PHACTR3: variants seen among roughly 807,000 people sequenced by gnomAD.
The protein encoded by PHACTR3 is phosphatase and actin regulator 3.
In PHACTR3, 16 loss-of-function variants were observed where a neutral mutation model predicts 66.8. The ratio of observed to expected loss-of-function variants is 0.24; its 90% CI spans 0.16 to 0.36. The LOEUF is 0.36. Among genes scored for constraint, PHACTR3 ranks in the 10% least tolerant of loss-of-function variants. The pLI, the probability that PHACTR3 is intolerant of heterozygous loss-of-function variation, is 1.00. For missense variants in PHACTR3, 647 were observed against 719.9 expected, an observed-to-expected ratio of 0.90 and a Z score of 1.16; for synonymous variants, 323 against 292.1, an observed-to-expected ratio of 1.11 and a Z score of -1.08.
At chr20:59,586,688 A>C (rs2033039076) in intron 1 of PHACTR3, among the ~76,000 whole-genome samples, 1 of 152,188 alleles carries the variant, frequency 6.6e-6, no homozygotes, top group African/African-American at 2.4e-5. Context: ...GAGTCACTGC[A>C]GTGGGGGATT....
chr20:59,640,468 A>G (rs2035063725), intron 1 of PHACTR3, among the ~76,000 whole-genome samples: 1 of 152,146 alleles, frequency 6.6e-6, no homozygotes, highest in Non-Finnish European at 1.5e-5. Flanking sequence ...GAGAAATAGT[A>G]GCTCGACTCA....
At chr20:59,722,878 T>C (rs941556394) in intron 1 of PHACTR3, among the ~76,000 whole-genome samples, 1 of 152,136 alleles carries the variant, frequency 6.6e-6, no homozygotes, top group South Asian at 2.1e-4. Context: ...GGCAAGCTTG[T>C]GTGGCTGCTG....
At chr20:59,803,196 A>G (rs1230764300) in intron 7 of PHACTR3, among the ~76,000 whole-genome samples, 3 of 152,240 alleles carry the variant, frequency 2.0e-5, no homozygotes, top group Admixed American at 2.0e-4. Flanking sequence ...TGCAGAGTTG[A>G]AGAATGGGGC....
At chr20:59,578,945 G>A (rs572243274) in intron 1 of PHACTR3, among the ~76,000 whole-genome samples, 4 of 152,316 alleles carry the variant, frequency 2.6e-5, no homozygotes, top group Admixed American at 6.5e-5. Flanking sequence ...GAGCTCCCAG[G>A]GTGGAGTCGG....
At chr20:59,650,740 C>CG (rs776308354) in intron 1 of PHACTR3, among the ~76,000 whole-genome samples, 2 of 61,490 alleles carry the variant, frequency 3.3e-5, no homozygotes, top group Non-Finnish European at 6.3e-5. Flanking sequence ...GCGTTGATAG[C>CG]AAAAAAAAAA....
intron 1 of PHACTR3, among the ~76,000 whole-genome samples, chr20:59,635,201 T>TTTCTTTCCTTCTTTCC (rs57755343): frequency 1.4e-4 from 4 of 29,312 alleles, no homozygotes; most frequent in Admixed American, 1.2e-3. Flanking sequence ...TTTCTCTTTC[T>TTTCTTTCCTTCTTTCC]TTCTTTCCTT....
chr20:59,715,442 G>A (rs908810254), intron 1 of PHACTR3, among the ~76,000 whole-genome samples: 1 of 152,126 alleles, frequency 6.6e-6, no homozygotes, highest in African/African-American at 2.4e-5. Context: ...ATTTTTAAAT[G>A]TCAAGCTAAT....
chr20:59,604,984 G>T lies in PHACTR3; in HGVS notation c.-31G>T. 1.6e-6 allele frequency: 2 copies of T among 1,274,934 alleles called. No homozygotes were observed. The highest frequency in any genetic ancestry group is 2.6e-5 in the South Asian group (1 of 38,432). The allele number at this position is 1,274,934 out of a possible 1,614,324, so 79.0% of individuals were successfully genotyped here. On this transcript the variant is annotated 5_prime_UTR_variant, in exon 1 of 13. Transcript: ENST00000371015. ...CGGATGCTCTGATTCCACGCGGCTCGCTCTAACTTGCCCCCGCGCCGGCCG... is the reference window on the plus strand; with the variant it reads ...CGGATGCTCTGATTCCACGCGGCTCTCTCTAACTTGCCCCCGCGCCGGCCG...
At chr20:59,744,035 A>C (rs1474711924) in intron 2 of PHACTR3, among the ~76,000 whole-genome samples, 1 of 152,134 alleles carries the variant, frequency 6.6e-6, no homozygotes, top group Non-Finnish European at 1.5e-5. Flanking sequence ...CATGAGGCTG[A>C]ACCACAGACA....
At chr20:59,647,986 T>A (rs373837788) in intron 1 of PHACTR3, among the ~76,000 whole-genome samples, 30 of 152,234 alleles carry the variant, frequency 2.0e-4, no homozygotes, top group African/African-American at 6.5e-4. Flanking sequence ...AATGGATAGA[T>A]GTTATAGGCT....
At chr20:59,756,459 C>T (rs56904358) in intron 4 of PHACTR3, among the ~76,000 whole-genome samples, 10,756 of 152,188 alleles carry the variant, frequency 0.071, 858 homozygotes, top group East Asian at 0.38. Context: ...ACTCGCAGGC[C>T]GCCCGTCCAC....
chr20:59,688,574 TC>T, intron 1 of PHACTR3, among the ~76,000 whole-genome samples: 1 of 152,298 alleles, frequency 6.6e-6, no homozygotes, highest in East Asian at 1.9e-4. Flanking sequence ...AGCTCCAACC[TC>T]CAATCCTTGC....
At chr20:59,608,299 C>T (rs1217219923) in intron 1 of PHACTR3, among the ~76,000 whole-genome samples, 5 of 152,170 alleles carry the variant, frequency 3.3e-5, no homozygotes, top group African/African-American at 4.8e-5. Flanking sequence ...CTGACCTTCC[C>T]GCCACTTTCA....
intron 2 of PHACTR3, among the ~76,000 whole-genome samples, chr20:59,745,245 G>A (rs1251681230): frequency 6.6e-6 from 1 of 152,222 alleles, no homozygotes; most frequent in Non-Finnish European, 1.5e-5. Flanking sequence ...AGCAGTGAAA[G>A]GCCGGGGGAC....
intron 1 of PHACTR3, among the ~76,000 whole-genome samples, chr20:59,643,362 C>A (rs530824148): frequency 1.3e-5 from 2 of 152,060 alleles, no homozygotes; most frequent in Non-Finnish European, 2.9e-5. Flanking sequence ...GCCTGACTTC[C>A]TTGTTCCTTT....
chr20:59,614,809 A>T (rs140909651), intron 1 of PHACTR3, among the ~76,000 whole-genome samples: 2 of 152,366 alleles, frequency 1.3e-5, no homozygotes, highest in East Asian at 1.9e-4. Flanking sequence ...CAATGAAGTC[A>T]GGAAGATATG....
In PHACTR3 at chr20:59,773,350, C is replaced by G; in HGVS notation, c.823C>G (p.Pro275Ala). ...DPSLRGQLST[P>A]TGSPHLTTVH... ...TTCCCTCCGGGGCCAGCTCTCCACA[C>G]CCACGGGGTCTCCGCATCTCACCAC... The change falls in exon 6 of 13, where the codon CCC becomes GCC. Residue 275 changes from proline to alanine, a missense_variant. Around this residue, in one of 2 missense-constraint regions of PHACTR3, gnomAD observed 577 missense variants for 571.1 expected, o/e 1.01. Coordinates refer to ENST00000371015, the MANE Select transcript of PHACTR3 (RefSeq NM_080672.5). 6.2e-7 allele frequency: 1 copy of G among 1,614,244 alleles called. No homozygotes were observed. Among genetic ancestry groups the G allele is most frequent in the Middle Eastern group, 1.6e-4 (1 of 6,062 alleles).
At chr20:59,759,141 A>T (rs952407221) in intron 4 of PHACTR3, among the ~76,000 whole-genome samples, 4 of 151,984 alleles carry the variant, frequency 2.6e-5, no homozygotes, top group Non-Finnish European at 4.4e-5. Flanking sequence ...GTGTTTTGGG[A>T]TGTGGGGCCA....
intron 1 of PHACTR3, among the ~76,000 whole-genome samples, chr20:59,732,329 C>G (rs2038795232): frequency 6.6e-6 from 1 of 152,160 alleles, no homozygotes; most frequent in Non-Finnish European, 1.5e-5. Context: ...GTGCTCTGAG[C>G]CTCTACTTTT....
Sources: allele counts gnomAD v4.1 joint callset (sites outside exome capture counted in the v4.1 genomes callset), GRCh38; gene constraint gnomAD v4.1.1; regional missense constraint gnomAD v4.1.1; transcripts MANE v1.5; gene names NCBI Gene and HGNC (gene_info 2026-07-23, HGNC 2026-07-21).